Variants in FREM2 observed in about 807,000 individuals in gnomAD.
FREM2 encodes FRAS1 related extracellular matrix 2.
A neutral mutation model predicts 219.9 loss-of-function variants in FREM2; 119 were observed. That is an observed-to-expected ratio of 0.54 (90% CI 0.47 to 0.63). The LOEUF (loss-of-function observed/expected upper bound fraction) is 0.63. Among genes scored for constraint, FREM2 ranks in the 30% least tolerant of loss-of-function variants. The pLI is 0.00. For missense variants in FREM2, 4,030 were observed against 3,993.6 expected (o/e 1.01, Z -0.25); for synonymous variants, 1,562 against 1,522.8 (o/e 1.03, Z -0.60).
rs753396105 is a variant in FREM2, at chr13:38,881,254, C to T, written c.*467C>T. Reference sequence around the variant, plus strand: ...CTAGTCTGGAAAACTGGTGAACACACTGTTTATTATGACAAGTTTTCAAAT... The same window carrying T: ...CTAGTCTGGAAAACTGGTGAACACATTGTTTATTATGACAAGTTTTCAAAT... On this transcript the variant is annotated 3_prime_UTR_variant, in exon 24 of 24. Transcript: ENST00000280481. 10 of 212,856 alleles carry T rather than the reference C, an allele frequency of 4.7e-5. No individual in the cohort carries two copies. Among genetic ancestry groups the T allele is most frequent in the Admixed American group, 3.7e-4 (7 of 18,966 alleles). 13.2% of individuals were successfully genotyped at this position (212,856 alleles called of 1,614,324 possible). A position where few individuals can be genotyped will look rare whatever the true frequency, so the allele number is the denominator to read the frequency against.
chr13:38,725,429 G>C (rs1173158263), intron 2 of FREM2, among the ~76,000 whole-genome samples: 3 of 152,182 alleles, frequency 2.0e-5, no homozygotes, highest in Admixed American at 1.3e-4. Flanking sequence ...TGTAGAGGAG[G>C]CTTAACCTAT....
At chr13:38,719,480 C>T (rs1234637131) in intron 2 of FREM2, among the ~76,000 whole-genome samples, 1 of 152,100 alleles carries the variant, frequency 6.6e-6, no homozygotes, top group Non-Finnish European at 1.5e-5. Flanking sequence ...CTTGGCCTCC[C>T]AAAGTGCTGG....
At chr13:38,866,582 C>T (rs1447177040) in intron 16 of FREM2, among the ~76,000 whole-genome samples, 2 of 151,208 alleles carry the variant, frequency 1.3e-5, no homozygotes, top group Non-Finnish European at 2.9e-5. Context: ...GCAGGAGAAT[C>T]GCTTGAACTG....
intron 2 of FREM2, among the ~76,000 whole-genome samples, chr13:38,744,251 C>G (rs1270718393): frequency 2.0e-5 from 3 of 147,380 alleles, no homozygotes; most frequent in Non-Finnish European, 4.5e-5. Flanking sequence ...TGTTCTTCCC[C>G]CCAGGCTGGT....
chr13:38,724,170 A>T (rs1871416066), intron 2 of FREM2, among the ~76,000 whole-genome samples: 1 of 152,162 alleles, frequency 6.6e-6, no homozygotes, highest in South Asian at 2.1e-4. Context: ...CTAGTTGGGG[A>T]TGGCAACGTA....
intron 2 of FREM2, among the ~76,000 whole-genome samples, chr13:38,707,354 A>T (rs1047884156): frequency 6.6e-6 from 1 of 152,246 alleles, no homozygotes; most frequent in African/African-American, 2.4e-5. Context: ...GAATAAAATT[A>T]TATAGCTATA....
intron 4 of FREM2, among the ~76,000 whole-genome samples, chr13:38,775,339 A>G (rs146889440): frequency 0.011 from 1,640 of 152,358 alleles, 24 homozygotes; most frequent in Non-Finnish European, 0.013. Context: ...ATGATGATAC[A>G]GAAATGATAA....
intron 2 of FREM2, among the ~76,000 whole-genome samples, chr13:38,734,069 C>T (rs948038159): frequency 1.3e-5 from 2 of 151,740 alleles, no homozygotes; most frequent in Admixed American, 6.6e-5. Flanking sequence ...AACTAGATCA[C>T]CTTATGATTA....
chr13:38,876,977 G>A, intron 20 of FREM2, 140 bp from the exon 21 acceptor site: 1 of 1,018,992 alleles, frequency 9.8e-7, no homozygotes, highest in Non-Finnish European at 1.5e-6. Flanking sequence ...AACTCTCTGA[G>A]TTAGCTTGGT....
rs139044304 is a variant in FREM2, at chr13:38,691,382, G to A, written c.4038G>A (p.Gly1346=). The change falls in exon 1 of 24, where the codon GGG becomes GGA. Residue 1346 remains glycine (G), a synonymous_variant. Transcript: ENST00000280481. ...DKSLVYIIRY[G]PGHGLLQRRK... is the part of the protein sequence containing the mutation. The stretch of plus-strand genomic sequence containing the variant: ...CTTTGGTTTATATTATTCGTTATGG[G>A]CCAGGACATGGCTTATTACAGAGAC... 1.8e-4 allele frequency: 297 copies of A among 1,614,014 alleles called. No homozygotes were observed. Among genetic ancestry groups the A allele is most frequent in the Non-Finnish European group, 2.5e-4 (292 of 1,179,926 alleles).
At chr13:38,723,650 C>A (rs1160088407) in intron 2 of FREM2, among the ~76,000 whole-genome samples, 1 of 152,188 alleles carries the variant, frequency 6.6e-6, no homozygotes, top group Non-Finnish European at 1.5e-5. Flanking sequence ...TCCTTCTCAA[C>A]CTCCATGCGA....
intron 7 of FREM2, 24 bp from the exon 8 acceptor site, chr13:38,848,437 A>C: frequency 1.3e-6 from 2 of 1,544,942 alleles, no homozygotes; most frequent in Non-Finnish European, 1.8e-6. Flanking sequence ...TCCCCAACTG[A>C]ATATTTTTTT....
chr13:38,851,124 T>C lies in FREM2; in HGVS notation c.6742+16T>C. ...GATGCTGATAGTAAGAAATCTTTTTTTGTTTGTTCAACTGTAAATTAGAAA... is the reference window on the plus strand; with the variant it reads ...GATGCTGATAGTAAGAAATCTTTTTCTGTTTGTTCAACTGTAAATTAGAAA... On this transcript the variant is annotated intron_variant, in intron 10 of 23. Coordinates refer to ENST00000280481, the MANE Select transcript of FREM2 (RefSeq NM_207361.6). 1 of 1,612,004 alleles carries C rather than the reference T, an allele frequency of 6.2e-7. No individual in the cohort carries two copies. The highest frequency in any genetic ancestry group is 1.7e-5 in the Admixed American group (1 of 60,018).
At chr13:38,859,077 TTAGAAA>T (rs1877660989) in intron 13 of FREM2, among the ~76,000 whole-genome samples, 1 of 152,116 alleles carries the variant, frequency 6.6e-6, no homozygotes, top group Non-Finnish European at 1.5e-5. Context: ...ACATATTAAG[TTAGAAA>T]TAGAAACATC....
rs550787922 is a variant in FREM2, at chr13:38,690,234, A to G, written c.2890A>G (p.Ile964Val). The G allele has an allele frequency of 8.4e-5, 135 of 1,614,048 alleles. No individual in the cohort carries two copies. Among genetic ancestry groups the G allele is most frequent in the Non-Finnish European group, 1.1e-4 (130 of 1,180,036 alleles). ...LDVLENGATE[I>V]TANVIKGTNE... ...TGTCTTAGAAAATGGGGCTACTGAA[A>G]TCACTGCCAATGTTATTAAGGGGAC... is the stretch of plus-strand genomic sequence containing the variant. Residue 964 changes from isoleucine to valine, a missense_variant, in exon 1 of 24, where the codon ATC becomes GTC. By Grantham distance (29) the Ile-to-Val change is conservative (BLOSUM62 3). This residue lies in a region of FREM2 where 3,102 missense variants were observed against 2,950.7 expected (regional missense o/e 1.05). Transcript: ENST00000280481.
At chr13:38,759,332 G>A (rs751274180) in intron 2 of FREM2, among the ~76,000 whole-genome samples, 3 of 151,868 alleles carry the variant, frequency 2.0e-5, no homozygotes, top group Non-Finnish European at 4.4e-5. Flanking sequence ...TCAAATACAA[G>A]TCAAAATTGT....
At chr13:38,705,802 T>C (rs530558669) in intron 2 of FREM2, among the ~76,000 whole-genome samples, 1 of 152,336 alleles carries the variant, frequency 6.6e-6, no homozygotes, top group South Asian at 2.1e-4. Context: ...TTTTTCTTTC[T>C]TTATTTCCCC....
At position 38,824,417 on chromosome 13, in the gene FREM2, CAAAT is replaced by C. The variant is rs1038233265; in HGVS notation, c.6020-22152_6020-22149del. 5.0e-4 allele frequency among the ~76,000 whole-genome samples: 76 copies of C among 152,094 alleles called. 1 individual carries two copies. The highest frequency in any genetic ancestry group is 1.7e-3 in the African/African-American group (69 of 41,514). The stretch of plus-strand genomic sequence containing the variant: ...TGATGAGTTATTCTGGCTCGGTACA[CAAAT>C]AAAGACCGTGGCATTTTAGGAAAGA... On this transcript the variant is annotated intron_variant, in intron 6 of 23. Coordinates refer to ENST00000280481, the MANE Select transcript of FREM2 (RefSeq NM_207361.6).
At chr13:38,749,890 A>T (rs1357123426) in intron 2 of FREM2, among the ~76,000 whole-genome samples, 1 of 152,208 alleles carries the variant, frequency 6.6e-6, no homozygotes, top group East Asian at 1.9e-4. Flanking sequence ...TCATTGTCTC[A>T]AATCCTCCAC....
Sources: allele counts gnomAD v4.1 joint callset (sites outside exome capture counted in the v4.1 genomes callset), GRCh38; gene constraint gnomAD v4.1.1; regional missense constraint gnomAD v4.1.1; transcripts MANE v1.5; gene names NCBI Gene and HGNC (gene_info 2026-07-23, HGNC 2026-07-21).